Variants in SH2D1A observed in about 807,000 individuals in gnomAD.
SH2D1A encodes the protein SH2 domain-containing protein 1A.
In SH2D1A, 6 loss-of-function variants were observed where a neutral mutation model predicts 10.1. That is an observed-to-expected ratio of 0.60 (90% CI 0.33 to 1.18). The LOEUF is 1.18. Ranked by LOEUF, SH2D1A falls within the 50% of genes most tolerant of loss-of-function variation. The pLI is 0.04. For synonymous variants in SH2D1A, 42 were observed against 36.9 expected, an observed-to-expected ratio of 1.14 and a Z score of -0.51; for missense variants, 51 against 97.6, an observed-to-expected ratio of 0.52 and a Z score of 2.01.
At chrX:124,362,033 G>C (rs987748828) in intron 1 of SH2D1A, among the ~76,000 whole-genome samples, 4 of 112,030 alleles carry the variant, frequency 3.6e-5, no homozygotes, top group Non-Finnish European at 5.6e-5. Context: ...CAGGAATAGA[G>C]TTTGGAAAAA....
intron 2 of SH2D1A, among the ~76,000 whole-genome samples, chrX:124,367,911 C>T (rs2060059815): frequency 9.0e-6 from 1 of 111,271 alleles, no homozygotes; most frequent in Admixed American, 9.6e-5. Context: ...CTGACATCAC[C>T]CTGTTGACAT....
At chrX:124,356,076 C>T (rs2060025703) in intron 1 of SH2D1A, among the ~76,000 whole-genome samples, 1 of 88,613 alleles carries the variant, frequency 1.1e-5, no homozygotes, top group Non-Finnish European at 2.2e-5. Context: ...AGGACAGGCC[C>T]CAGTGTGTGA....
At chrX:124,369,629 T>C (rs1381843566) in intron 2 of SH2D1A, among the ~76,000 whole-genome samples, 1 of 111,913 alleles carries the variant, frequency 8.9e-6, no homozygotes, top group Non-Finnish European at 1.9e-5. Context: ...TGAAAGAGTA[T>C]GAGGACTGAA....
chrX:124,363,182 C>A (rs893594669), intron 1 of SH2D1A, among the ~76,000 whole-genome samples: 1 of 111,504 alleles, frequency 9.0e-6, no homozygotes, highest in Non-Finnish European at 1.9e-5. Flanking sequence ...TAGATATAAA[C>A]TGAGTAATGG....
intron 1 of SH2D1A, among the ~76,000 whole-genome samples, chrX:124,362,521 T>G (rs2060042344): frequency 8.9e-6 from 1 of 112,108 alleles, no homozygotes; most frequent in Admixed American, 9.5e-5. Context: ...ACCATTATAT[T>G]TTGGAAGCAC....
At chrX:124,359,771 AAAC>A (rs2060035457) in intron 1 of SH2D1A, among the ~76,000 whole-genome samples, 1 of 112,507 alleles carries the variant, frequency 8.9e-6, no homozygotes, top group East Asian at 2.8e-4. Flanking sequence ...GTAAAAAATA[AAAC>A]ATCATATAAT....
chrX:124,365,856 T>C, intron 2 of SH2D1A, 32 bp downstream of exon 2: 1 of 921,374 alleles, frequency 1.1e-6, no homozygotes. Flanking sequence ...CTTCTGGGGG[T>C]GTCAAGGAGG....
intron 1 of SH2D1A, among the ~76,000 whole-genome samples, chrX:124,348,486 C>T (rs1239397350): frequency 2.7e-5 from 3 of 111,330 alleles, no homozygotes; most frequent in Non-Finnish European, 5.7e-5. Flanking sequence ...CTCAAAAATG[C>T]CCCCACTTAG....
At chrX:124,369,725 G>A (rs758785942) in intron 2 of SH2D1A, among the ~76,000 whole-genome samples, 1 of 111,884 alleles carries the variant, frequency 8.9e-6, no homozygotes, top group African/African-American at 3.2e-5. Context: ...CAGGGAGGAT[G>A]GGTTGTTGGT....
chrX:124,360,423 A>C (rs1289074394), intron 1 of SH2D1A, among the ~76,000 whole-genome samples: 1 of 89,390 alleles, frequency 1.1e-5, no homozygotes, highest in African/African-American at 4.3e-5. Flanking sequence ...TCAACAGAGC[A>C]AGACCCTGTC....
At chrX:124,354,238 A>G (rs1449062914) in intron 1 of SH2D1A, among the ~76,000 whole-genome samples, 1 of 111,555 alleles carries the variant, frequency 9.0e-6, no homozygotes, top group Non-Finnish European at 1.9e-5. Context: ...TCTGGTTGAC[A>G]ATGTAAAATT....
At chrX:124,352,482 T>C (rs2060017425) in intron 1 of SH2D1A, among the ~76,000 whole-genome samples, 1 of 111,806 alleles carries the variant, frequency 8.9e-6, no homozygotes, top group Non-Finnish European at 1.9e-5. Context: ...AAAAATTCAT[T>C]GGACCAAATG....
chrX:124,354,951 T>C (rs1418236214), intron 1 of SH2D1A, among the ~76,000 whole-genome samples: 2 of 112,618 alleles, frequency 1.8e-5, no homozygotes, highest in Non-Finnish European at 3.8e-5. Flanking sequence ...TGGGCCATTG[T>C]AAGTTTGGAA....
At chrX:124,370,465 C>T in intron 3 of SH2D1A, 145 bp downstream of exon 3, 2 of 501,008 alleles carry the variant, frequency 4.0e-6, no homozygotes, top group Non-Finnish European at 7.1e-6. Context: ...TGAGAGGTGA[C>T]AATTTATGTG....
intron 1 of SH2D1A, among the ~76,000 whole-genome samples, chrX:124,365,355 T>C (rs2060051494): frequency 9.0e-6 from 1 of 110,523 alleles, no homozygotes; most frequent in Non-Finnish European, 1.9e-5. Context: ...GGCCTGATAG[T>C]GTATTATCCC....
chrX:124,350,621 TAATA>T (rs1278120247), intron 1 of SH2D1A, among the ~76,000 whole-genome samples: 1 of 50,184 alleles, frequency 2.0e-5, no homozygotes, highest in East Asian at 6.7e-4. Flanking sequence ...GTATATAAGA[TAATA>T]TATTATATAT....
chrX:124,354,001 CTT>C (rs1371612858), intron 1 of SH2D1A, among the ~76,000 whole-genome samples: 1 of 112,189 alleles, frequency 8.9e-6, no homozygotes, highest in Non-Finnish European at 1.9e-5. Context: ...GAAATTATAA[CTT>C]AACTTCATTT....
At chrX:124,364,455 C>T in intron 1 of SH2D1A, 1 of 266,477 alleles carries the variant, frequency 3.8e-6, no homozygotes, top group South Asian at 3.9e-5. Flanking sequence ...AAAAAATTTA[C>T]AAGTTTATAA....
intron 1 of SH2D1A, 24 bp downstream of exon 1, chrX:124,346,803 G>A (rs1269633616): frequency 9.1e-6 from 11 of 1,208,239 alleles, no homozygotes; most frequent in Non-Finnish European, 1.1e-5. Context: ...GGTGGACATG[G>A]GCCTGCTGAG....
Sources: gnomAD v4.1 joint callset for allele counts (sites outside exome capture counted in the v4.1 genomes callset) on GRCh38, gnomAD v4.1.1 for gene constraint, MANE v1.5 for transcripts, NCBI Gene and HGNC (gene_info 2026-07-23, HGNC 2026-07-21) for gene names.